Variants in COL14A1 observed in about 807,000 individuals in gnomAD.
COL14A1 encodes collagen alpha-1(XIV) chain.
Under a neutral mutation model 230.3 loss-of-function variants are expected in COL14A1, and 136 were observed. The observed-to-expected ratio is 0.59, with a 90% confidence interval of 0.51 to 0.68. The LOEUF (loss-of-function observed/expected upper bound fraction) is 0.68. Ranked by LOEUF, COL14A1 falls within the 30% of genes least tolerant of loss-of-function variation. COL14A1 has a pLI of 0.00. For synonymous variants in COL14A1, 792 were observed against 784.1 expected, an observed-to-expected ratio of 1.01 and a Z score of -0.17; for missense variants, 1,976 against 2,215.8, an observed-to-expected ratio of 0.89 and a Z score of 2.17.
At position 120,208,210 on chromosome 8, in the gene COL14A1, A is replaced by C. The variant is rs1817503130; in HGVS notation, c.1192-22A>C. 1.9e-6 allele frequency: 3 copies of C among 1,589,598 alleles called. No homozygotes were observed. The East Asian group carries it at 6.8e-5, about 36-fold the overall frequency. On this transcript the variant is annotated intron_variant, in intron 10 of 47. Transcript: ENST00000297848. ...GTGTAAGATATTCCATACTCTCATT[A>C]CTCAAACTGTTCTTTAAACAGGTGG...
intron 36 of COL14A1, among the ~76,000 whole-genome samples, chr8:120,304,909 T>C (rs968771555): frequency 6.6e-6 from 1 of 152,104 alleles, no homozygotes; most frequent in African/African-American, 2.4e-5. Flanking sequence ...ACTCAGGGGA[T>C]TGTATTATTA....
intron 2 of COL14A1, among the ~76,000 whole-genome samples, chr8:120,156,351 T>C (rs1040558762): frequency 1.3e-5 from 2 of 152,258 alleles, no homozygotes; most frequent in East Asian, 1.9e-4. Context: ...GTATTTTTAG[T>C]AGAGATGGGG....
intron 40 of COL14A1, among the ~76,000 whole-genome samples, chr8:120,317,053 G>C (rs1404343982): frequency 1.3e-5 from 2 of 152,152 alleles, no homozygotes; most frequent in Non-Finnish European, 2.9e-5. Context: ...ACAGAGGCTG[G>C]TCTTCCTTAA....
chr8:120,244,111 A>G (rs1188576389), intron 20 of COL14A1, 103 bp downstream of exon 20: 8 of 1,361,390 alleles, frequency 5.9e-6, no homozygotes, highest in Non-Finnish European at 8.0e-6. Flanking sequence ...CAGTGAAGAA[A>G]CTAAAAGATT....
intron 38 of COL14A1, among the ~76,000 whole-genome samples, chr8:120,314,288 A>G (rs939624411): frequency 6.6e-6 from 1 of 152,232 alleles, no homozygotes; most frequent in African/African-American, 2.4e-5. Context: ...AACAAAGCTT[A>G]GCATGTATAG....
intron 37 of COL14A1, among the ~76,000 whole-genome samples, 178 bp from the exon 38 acceptor site, chr8:120,313,754 T>C (rs975763770): frequency 3.3e-5 from 5 of 152,252 alleles, no homozygotes; most frequent in African/African-American, 9.6e-5. Flanking sequence ...GGTTTACTGA[T>C]GACATTTTGC....
intron 1 of COL14A1, among the ~76,000 whole-genome samples, chr8:120,132,238 G>A (rs994788748): frequency 1.3e-5 from 2 of 152,078 alleles, no homozygotes; most frequent in African/African-American, 4.8e-5. Context: ...TTTCATATAT[G>A]GTGAAAGGTA....
chr8:120,212,245 G>A (rs541108688), intron 12 of COL14A1, among the ~76,000 whole-genome samples: 4 of 152,246 alleles, frequency 2.6e-5, no homozygotes, highest in East Asian at 1.9e-4. Flanking sequence ...GGTACTTTTC[G>A]ACTTATATGG....
Position 120,255,333 on chromosome 8 carries a change from G to A in COL14A1, c.2846G>A (p.Arg949Lys), listed in dbSNP as rs182289467. 211 of 1,613,642 alleles carry A rather than the reference G, an allele frequency of 1.3e-4. No individual in the cohort carries two copies. Among genetic ancestry groups the A allele is most frequent in the Admixed American group, 5.3e-4 (32 of 60,022 alleles). Reference sequence around the variant, plus strand: ...GTACATCGCCATGCCACAGCCTATAGGGTTGTTATAGAATCCCTCCAGGGT... The same window carrying A: ...GTACATCGCCATGCCACAGCCTATAAGGTTGTTATAGAATCCCTCCAGGGT... ...WQVHRHATAYRVVIESLQDRQ... is the reference protein window; with the variant it reads ...WQVHRHATAYKVVIESLQDRQ... Residue 949 changes from arginine (R) to lysine (K), a missense_variant, in exon 23 of 48, where the codon AGG becomes AAG. Transcript: ENST00000297848.
chr8:120,291,270 A>C (rs989199588), intron 34 of COL14A1, among the ~76,000 whole-genome samples: 1 of 152,146 alleles, frequency 6.6e-6, no homozygotes, highest in East Asian at 1.9e-4. Context: ...AATTTAAGAA[A>C]GAGAATCCGG....
intron 1 of COL14A1, among the ~76,000 whole-genome samples, chr8:120,133,009 A>G (rs1215146861): frequency 6.6e-6 from 1 of 152,148 alleles, no homozygotes; most frequent in Non-Finnish European, 1.5e-5. Flanking sequence ...CGAGGTCAGG[A>G]GATCGAGACC....
intron 2 of COL14A1, among the ~76,000 whole-genome samples, chr8:120,150,145 G>T (rs1815234723): frequency 6.6e-6 from 1 of 152,202 alleles, no homozygotes; most frequent in Non-Finnish European, 1.5e-5. Context: ...CAAATAAATT[G>T]CAATATAAGT....
intron 1 of COL14A1, among the ~76,000 whole-genome samples, chr8:120,125,871 G>T (rs1365606207): frequency 3.3e-5 from 5 of 152,176 alleles, no homozygotes; most frequent in African/African-American, 1.2e-4. Flanking sequence ...CTCTGCTACA[G>T]ATTTGGGTAG....
chr8:120,307,631 G>C (rs915785115), intron 36 of COL14A1, among the ~76,000 whole-genome samples: 8 of 152,170 alleles, frequency 5.3e-5, no homozygotes, highest in African/African-American at 1.9e-4. Context: ...CAGTCACAGT[G>C]AGAATAAATG....
intron 44 of COL14A1, among the ~76,000 whole-genome samples, chr8:120,344,355 T>C (rs1822421293): frequency 6.6e-6 from 1 of 152,226 alleles, no homozygotes; most frequent in Admixed American, 6.5e-5. Flanking sequence ...ACTTCTCTGG[T>C]TTTTAGTTCA....
Position 120,207,017 on chromosome 8 carries a change from A to T in COL14A1, c.1114A>T (p.Asn372Tyr), listed in dbSNP as rs753332317. ...AGTCACTGCCAGAAGCTTTATGGTT[A>T]ACTGGACTCATGCCCCAGGAAATGT... ...SEVTARSFMV[N>Y]WTHAPGNVEK... The change falls in exon 10 of 48, where the codon AAC becomes TAC. Residue 372 changes from asparagine to tyrosine, a missense_variant. By Grantham distance (143) the Asn-to-Tyr change is moderately radical. Coordinates refer to ENST00000297848, the MANE Select transcript of COL14A1 (RefSeq NM_021110.4). 29 of 1,613,868 alleles carry T rather than the reference A, an allele frequency of 1.8e-5. No homozygotes were observed. The highest frequency in any genetic ancestry group is 2.4e-5 in the Non-Finnish European group (28 of 1,179,940).
intron 5 of COL14A1, among the ~76,000 whole-genome samples, chr8:120,176,071 A>G (rs755432268): frequency 5.9e-5 from 9 of 152,236 alleles, no homozygotes; most frequent in Non-Finnish European, 1.3e-4. Context: ...TATAGCACTT[A>G]CTACATGCGT....
At chr8:120,166,199 C>T (rs955770734) in intron 4 of COL14A1, among the ~76,000 whole-genome samples, 1 of 152,144 alleles carries the variant, frequency 6.6e-6, no homozygotes, top group African/African-American at 2.4e-5. Context: ...TTGAACTAGA[C>T]TTTGAAAGAT....
At chr8:120,300,935 A>T (rs1563726190) in intron 36 of COL14A1, 117 bp downstream of exon 36, 3 of 789,534 alleles carry the variant, frequency 3.8e-6, no homozygotes, top group Non-Finnish European at 6.2e-6. Context: ...TAATTGTAGG[A>T]ATGCAGTGAG....
Sources: allele counts gnomAD v4.1 joint callset (sites outside exome capture counted in the v4.1 genomes callset), GRCh38; gene constraint gnomAD v4.1.1; transcripts MANE v1.5; gene names NCBI Gene and HGNC (gene_info 2026-07-23, HGNC 2026-07-21).